Variants in RAB22A observed in about 807,000 individuals in gnomAD.
RAB22A encodes the protein ras-related protein Rab-22A.
A neutral mutation model predicts 30.2 loss-of-function variants in RAB22A; 13 were observed. The observed-to-expected ratio is 0.43, with a 90% confidence interval of 0.28 to 0.68. The LOEUF (loss-of-function observed/expected upper bound fraction) is 0.68. Ranked by LOEUF, RAB22A falls within the 30% of genes least tolerant of loss-of-function variation. RAB22A has a pLI of 0.18. For missense variants in RAB22A, 177 were observed against 246.8 expected, an observed-to-expected ratio of 0.72 and a Z score of 1.89; for synonymous variants, 89 against 87.2, an observed-to-expected ratio of 1.02 and a Z score of -0.11.
At chr20:58,346,219 T>TCC (rs764063053) in intron 3 of RAB22A, among the ~76,000 whole-genome samples, 1 of 152,220 alleles carries the variant, frequency 6.6e-6, no homozygotes, top group Non-Finnish European at 1.5e-5. Flanking sequence ...TCCCCTGCTT[T>TCC]CCCTCTGTCC....
chr20:58,328,563 C>T (rs377122403), intron 2 of RAB22A, among the ~76,000 whole-genome samples: 13 of 152,138 alleles, frequency 8.5e-5, no homozygotes, highest in East Asian at 7.7e-4. Context: ...CTGTATTTCC[C>T]GCCGCCCCCC....
At chr20:58,354,014 G>C (rs574003796) in intron 5 of RAB22A, 142 bp from the exon 6 acceptor site, 12 of 555,830 alleles carry the variant, frequency 2.2e-5, no homozygotes, top group Non-Finnish European at 3.8e-5. Context: ...TGGTGTAATC[G>C]AGAAGACCAT....
rs139667931 is a variant in RAB22A, at chr20:58,314,334, G to A, written c.116+3212G>A. ...CCTGCCTTGGCCTCCCAAAATGCTG[G>A]GATTACAGGCATGAGCCACTGCGAC... On this transcript the variant is annotated intron_variant, in intron 2 of 6. Coordinates refer to ENST00000244040, the MANE Select transcript of RAB22A (RefSeq NM_020673.3). Among the ~76,000 whole-genome samples, 340 of 152,078 alleles carry A rather than the reference G, an allele frequency of 2.2e-3. 1 individual carries two copies. The highest frequency in any genetic ancestry group is 7.7e-3 in the African/African-American group (319 of 41,502).
At chr20:58,312,419 T>G (rs1457486528) in intron 2 of RAB22A, among the ~76,000 whole-genome samples, 1 of 147,374 alleles carries the variant, frequency 6.8e-6, no homozygotes, top group Non-Finnish European at 1.5e-5. Flanking sequence ...CCTGGCTAAA[T>G]TTTGTATTTT....
intron 2 of RAB22A, among the ~76,000 whole-genome samples, chr20:58,337,346 C>T (rs1020115410): frequency 6.6e-6 from 1 of 152,156 alleles, no homozygotes; most frequent in Admixed American, 6.5e-5. Flanking sequence ...AGATCACCTT[C>T]TCTTCTGGCT....
chr20:58,323,304 T>G (rs577969536), intron 2 of RAB22A, among the ~76,000 whole-genome samples: 52 of 152,296 alleles, frequency 3.4e-4, no homozygotes, highest in African/African-American at 1.2e-3. Context: ...AATACGACTT[T>G]TAAAAATTGA....
intron 2 of RAB22A, among the ~76,000 whole-genome samples, chr20:58,333,335 CA>C (rs1986694034): frequency 6.6e-6 from 1 of 151,184 alleles, no homozygotes; most frequent in Non-Finnish European, 1.5e-5. Flanking sequence ...CTGTATCCAG[CA>C]ATAATTAATT....
chr20:58,310,024 C>T lies in RAB22A; in HGVS notation c.36+12C>T. On this transcript the variant is annotated intron_variant, in intron 1 of 6. Transcript: ENST00000244040. ...TGTGTCTGCTCGGGGTGAGTGGCGG[C>T]GGGTCCGGCCGGGAGGGCCACGGGA... 2 of 1,268,416 alleles carry T rather than the reference C, an allele frequency of 1.6e-6. No individual in the cohort carries two copies. Among genetic ancestry groups the T allele is most frequent in the African/African-American group, 1.5e-5 (1 of 64,924 alleles). 78.6% of individuals were successfully genotyped at this position (1,268,416 alleles called of 1,614,324 possible). A position where few individuals can be genotyped will look rare whatever the true frequency, so the allele number is the denominator to read the frequency against.
At chr20:58,312,706 G>C (rs1372381032) in intron 2 of RAB22A, among the ~76,000 whole-genome samples, 1 of 151,620 alleles carries the variant, frequency 6.6e-6, no homozygotes, top group Non-Finnish European at 1.5e-5. Flanking sequence ...TAGCCAGGAT[G>C]GTCTCTCTCT....
intron 2 of RAB22A, among the ~76,000 whole-genome samples, chr20:58,334,629 T>A (rs1413168262): frequency 6.6e-6 from 1 of 152,038 alleles, no homozygotes; most frequent in Non-Finnish European, 1.5e-5. Context: ...TTCTGAGCAG[T>A]AGTTACACAA....
intron 6 of RAB22A, 117 bp from the exon 7 acceptor site, chr20:58,359,489 A>G (rs957781347): frequency 2.2e-5 from 15 of 672,334 alleles, no homozygotes; most frequent in Non-Finnish European, 3.5e-5. Context: ...TAAAAAGTTT[A>G]TTAAACTTTT....
rs1203056924 is a variant in RAB22A at position 58,343,581 on chromosome 20, T to G, written c.117-137T>G. ...CAGCATCTGAGCATCCCATAAATAC[T>G]CCAGAGAGGAACACAATTAGGATAC... is the stretch of plus-strand genomic sequence containing the variant. On this transcript the variant is annotated intron_variant, in intron 2 of 6. Coordinates refer to ENST00000244040, the MANE Select transcript of RAB22A (RefSeq NM_020673.3). 4.8e-6 allele frequency: 3 copies of G among 626,474 alleles called. No homozygotes were observed. In the African/African-American group the frequency reaches 5.5e-5, roughly 11 times the overall value. 38.8% of individuals were successfully genotyped at this position (626,474 alleles called of 1,614,324 possible).
At chr20:58,315,722 C>T (rs1043744016) in intron 2 of RAB22A, among the ~76,000 whole-genome samples, 6 of 152,052 alleles carry the variant, frequency 3.9e-5, no homozygotes, top group Admixed American at 6.6e-5. Context: ...CCCCAAACCC[C>T]ATTCATATCC....
chr20:58,342,748 C>G (rs946256881), intron 2 of RAB22A, among the ~76,000 whole-genome samples: 1 of 151,798 alleles, frequency 6.6e-6, no homozygotes, highest in African/African-American at 2.4e-5. Flanking sequence ...ACTGGCCAGA[C>G]TGGGATGCTT....
At chr20:58,334,422 G>C (rs979408832) in intron 2 of RAB22A, among the ~76,000 whole-genome samples, 3 of 151,900 alleles carry the variant, frequency 2.0e-5, no homozygotes, top group South Asian at 4.2e-4. Context: ...AAGAAGAGCA[G>C]AGAAACAAAT....
chr20:58,359,590 T>C lies in RAB22A; in HGVS notation c.488-16T>C. ...AGTTAAAGCTCACTCCCTTCCCTTTTCTCATCTTGGTTTAGGTCGAAGAAT... is the reference window on the plus strand; with the variant it reads ...AGTTAAAGCTCACTCCCTTCCCTTTCCTCATCTTGGTTTAGGTCGAAGAAT... On this transcript the variant is annotated splice_polypyrimidine_tract_variant and intron_variant, in intron 6 of 6. Transcript: ENST00000244040. 6.3e-7 allele frequency: 1 copy of C among 1,578,282 alleles called. No individual in the cohort carries two copies.
rs149763831 is a variant in RAB22A, at chr20:58,327,679, G to A, written c.117-16039G>A. Among the ~76,000 whole-genome samples the A allele has an allele frequency of 6.9e-3, 1,057 of 152,264 alleles. 11 individuals carry two copies. Among genetic ancestry groups the A allele is most frequent in the African/African-American group, 0.022 (905 of 41,542 alleles). The stretch of plus-strand genomic sequence containing the variant: ...CAAGGGAGTAGGGAATAACCTCCAT[G>A]CTTGAAAGTAAGAGTATCCAAAAAA... On this transcript the variant is annotated intron_variant, in intron 2 of 6. Transcript: ENST00000244040.
At position 58,309,792 on chromosome 20, in the gene RAB22A, C is replaced by T; in HGVS notation, c.-185C>T. The T allele has an allele frequency of 6.9e-6, 3 of 433,514 alleles. No homozygotes were observed. Among genetic ancestry groups the T allele is most frequent in the South Asian group, 1.1e-4 (1 of 8,868 alleles). 26.9% of individuals were successfully genotyped at this position (433,514 alleles called of 1,614,324 possible). ...CGCGGCGGCGTCCCGGCTGCTAAGG[C>T]GGGCCCCACGCGGCTGGCAGCGGAC... On this transcript the variant is annotated 5_prime_UTR_variant, in exon 1 of 7. Coordinates refer to ENST00000244040, the MANE Select transcript of RAB22A (RefSeq NM_020673.3).
intron 2 of RAB22A, among the ~76,000 whole-genome samples, chr20:58,321,002 C>G (rs1455566146): frequency 6.6e-6 from 1 of 151,868 alleles, no homozygotes; most frequent in Non-Finnish European, 1.5e-5. Context: ...CCATCCTGGC[C>G]AACATGGTAA....
Sources: allele counts gnomAD v4.1 joint callset (sites outside exome capture counted in the v4.1 genomes callset), GRCh38; gene constraint gnomAD v4.1.1; transcripts MANE v1.5; gene names NCBI Gene and HGNC (gene_info 2026-07-23, HGNC 2026-07-21).